The following FCRL6 variants were observed in gnomAD, a reference collection of about 807,000 sequenced individuals.
FCRL6 encodes the protein Fc receptor-like protein 6.
Under a neutral mutation model 49.1 loss-of-function variants are expected in FCRL6, and 50 were observed. That is an observed-to-expected ratio of 1.02 (90% CI 0.81 to 1.29). FCRL6 has a LOEUF of 1.29. FCRL6 is among the 50% of genes most tolerant of loss of function. The pLI is 0.00. For synonymous variants in FCRL6, 213 were observed against 199.6 expected (o/e 1.07, Z -0.57); for missense variants, 571 against 518.5 (o/e 1.10, Z -0.98).
At chr1:159,813,396 G>A in intron 6 of FCRL6, 93 bp from the exon 7 acceptor site, 1 of 1,097,666 alleles carries the variant, frequency 9.1e-7, no homozygotes, top group Non-Finnish European at 1.4e-6. Flanking sequence ...ACCTCCAGCG[G>A]CCTCCTTGTC....
intron 3 of FCRL6, chr1:159,808,691 C>A (rs746839904): frequency 1.3e-5 from 8 of 613,128 alleles, no homozygotes; most frequent in Non-Finnish European, 2.3e-5. Flanking sequence ...AGACCCTGGA[C>A]CAGTCCAGGC....
At chr1:159,814,077 A>G in intron 7 of FCRL6, 144 bp from the exon 8 acceptor site, 2 of 719,868 alleles carry the variant, frequency 2.8e-6, no homozygotes, top group Non-Finnish European at 4.7e-6. Context: ...CATGATGGCT[A>G]TCCCCACATT....
upstream of FCRL6, among the ~76,000 whole-genome samples, chr1:159,800,950 T>G (rs1005694456): frequency 6.6e-6 from 1 of 152,068 alleles, no homozygotes; most frequent in African/African-American, 2.4e-5. Flanking sequence ...CACTTGAACC[T>G]GGGAGGCGGA....
At chr1:159,813,690 T>C (rs1002034885) in intron 7 of FCRL6, 136 bp downstream of exon 7, 30 of 744,040 alleles carry the variant, frequency 4.0e-5, no homozygotes, top group Non-Finnish European at 5.9e-5. Context: ...AAACAGCTTC[T>C]AGAAAGGGCA....
intron 6 of FCRL6, among the ~76,000 whole-genome samples, chr1:159,811,269 C>T (rs1156883579): frequency 6.6e-6 from 1 of 152,202 alleles, no homozygotes; most frequent in Non-Finnish European, 1.5e-5. Context: ...GCTACCAGTG[C>T]CAAAGCTATG....
At chr1:159,811,234 T>C (rs1287020867) in intron 6 of FCRL6, among the ~76,000 whole-genome samples, 2 of 152,228 alleles carry the variant, frequency 1.3e-5, no homozygotes, top group Non-Finnish European at 2.9e-5. Context: ...TTTGCTCGCC[T>C]CAGGCCACAC....
intron 1 of FCRL6, among the ~76,000 whole-genome samples, chr1:159,803,013 C>G (rs549687235): frequency 3.9e-4 from 60 of 152,208 alleles, no homozygotes; most frequent in Non-Finnish European, 6.6e-4. Flanking sequence ...TCTGAGTAAC[C>G]AAAGCCCTTT....
At chr1:159,807,880 G>T (rs1662800225) in intron 2 of FCRL6, among the ~76,000 whole-genome samples, 1 of 151,872 alleles carries the variant, frequency 6.6e-6, no homozygotes, top group East Asian at 1.9e-4. Context: ...GACAAGGAGG[G>T]TGGGTGGGAG....
rs1489914054 is a variant in FCRL6, at chr1:159,810,069, G to A, written c.887-25G>A. Reference sequence around the variant, plus strand: ...CCGAATTTTATCTTCAGTGCTCATGGCCACCTTCTTCTCCCTGCTCCCAGG... The same window carrying A: ...CCGAATTTTATCTTCAGTGCTCATGACCACCTTCTTCTCCCTGCTCCCAGG... On this transcript the variant is annotated intron_variant, in intron 5 of 9. Transcript: ENST00000368106. 5.0e-6 allele frequency: 8 copies of A among 1,604,140 alleles called. No homozygotes were observed. In the South Asian group the frequency reaches 6.7e-5, roughly 13 times the overall value.
chr1:159,802,112 G>A (rs539702970), upstream of FCRL6, among the ~76,000 whole-genome samples: 24 of 152,250 alleles, frequency 1.6e-4, no homozygotes, highest in East Asian at 4.6e-3. Context: ...CCATAACCAT[G>A]TTCCATCCTA....
chr1:159,809,766 G>T, intron 5 of FCRL6, 83 bp downstream of exon 5: 1 of 1,230,338 alleles, frequency 8.1e-7, no homozygotes, highest in South Asian at 1.3e-5. Context: ...CTCCCATCAC[G>T]ACTGGCACAG....
chr1:159,804,828 G>T (rs1320057239), intron 1 of FCRL6, among the ~76,000 whole-genome samples: 1 of 152,226 alleles, frequency 6.6e-6, no homozygotes, highest in African/African-American at 2.4e-5. Context: ...TTCCAGTGAG[G>T]TGGGGAAGGG....
Position 159,809,237 on chromosome 1 carries a change from G to A in FCRL6, c.596G>A (p.Arg199Lys), listed in dbSNP as rs748726982. 2 of 1,567,884 alleles carry A rather than the reference G, an allele frequency of 1.3e-6. No homozygotes were observed. Among genetic ancestry groups the A allele is most frequent in the South Asian group, 2.4e-5 (2 of 82,376 alleles). Residue 199 changes from arginine (R) to lysine (K), a missense_variant, in exon 4 of 10, where the codon AGA becomes AAA. Physicochemically the swap from Arg to Lys is conservative, Grantham distance 26. Coordinates refer to ENST00000368106, the MANE Select transcript of FCRL6 (RefSeq NM_001004310.3). ...VQKQSPQLEVRVQAPVSRPVL... is the reference protein window; with the variant it reads ...VQKQSPQLEVKVQAPVSRPVL... Reference sequence around the variant, plus strand: ...AAGCAGAGCCCCCAGCTGGAGGTCAGAGTGCAGGGTAAGTGCGCGAGAGAG... The same window carrying A: ...AAGCAGAGCCCCCAGCTGGAGGTCAAAGTGCAGGGTAAGTGCGCGAGAGAG...
chr1:159,813,088 TGCTG>T (rs1416222813), intron 6 of FCRL6, among the ~76,000 whole-genome samples: 1 of 152,224 alleles, frequency 6.6e-6, no homozygotes, highest in African/African-American at 2.4e-5. Flanking sequence ...TCCAACTATG[TGCTG>T]GTCACTGGTT....
In FCRL6 at chr1:159,809,127, C is replaced by T. The variant is rs1401803523; in HGVS notation, c.486C>T (p.His162=). The T allele has an allele frequency of 6.2e-7, 1 of 1,613,962 alleles. No individual in the cohort carries two copies. Among genetic ancestry groups the T allele is most frequent in the African/African-American group, 1.3e-5 (1 of 74,928 alleles). Residue 162 remains histidine, a synonymous_variant, in exon 4 of 10, where the codon CAC becomes CAT. Transcript: ENST00000368106. ...DGHTLQDRGP[H]PELCIPGAKE... The stretch of plus-strand genomic sequence containing the variant: ...ACACCTTGCAGGACAGGGGCCCTCA[C>T]CCAGAACTCTGCATCCCGGGAGCCA...
chr1:159,815,926 A>G lies in FCRL6; in HGVS notation c.*265A>G, dbSNP rs1663378276. ...GTGACACTGGACACATAAGCCACAG[A>G]TGTCTTCTTTCCATACAAGCATGTT... On this transcript the variant is annotated 3_prime_UTR_variant, in exon 10 of 10. Coordinates refer to ENST00000368106, the MANE Select transcript of FCRL6 (RefSeq NM_001004310.3). 1 of 424,234 alleles carries G rather than the reference A, an allele frequency of 2.4e-6. No homozygotes were observed. The highest frequency in any genetic ancestry group is 4.4e-6 in the Non-Finnish European group (1 of 227,536). 26.3% of individuals were successfully genotyped at this position (424,234 alleles called of 1,614,324 possible). A position where few individuals can be genotyped will look rare whatever the true frequency, so the allele number is the denominator to read the frequency against.
upstream of FCRL6, chr1:159,800,600 G>A: frequency 6.5e-7 from 1 of 1,550,282 alleles, no homozygotes; most frequent in Non-Finnish European, 8.7e-7. Flanking sequence ...ATATATGAAT[G>A]TTGCCATCTT....
Position 159,804,687 on chromosome 1 carries a change from G to A in FCRL6, c.32-1909G>A, listed in dbSNP as rs569041405. Among the ~76,000 whole-genome samples, 4 of 152,358 alleles carry A rather than the reference G, an allele frequency of 2.6e-5. No individual in the cohort carries two copies. The East Asian group carries it at 7.7e-4, about 29-fold the overall frequency. On this transcript the variant is annotated intron_variant, in intron 1 of 9. Transcript: ENST00000368106. ...CCAAGATCTTGCAGTACCATGGGGAGCAAGTCATTGAGATTTGGGGACAGG... is the reference window on the plus strand; with the variant it reads ...CCAAGATCTTGCAGTACCATGGGGAACAAGTCATTGAGATTTGGGGACAGG...
chr1:159,802,097 G>A (rs143101115), upstream of FCRL6, among the ~76,000 whole-genome samples: 302 of 152,262 alleles, frequency 2.0e-3, no homozygotes, highest in Non-Finnish European at 2.2e-3. Context: ...TCTAATGGAG[G>A]TGTCCCATAA....
Sources: gnomAD v4.1 joint callset for allele counts (sites outside exome capture counted in the v4.1 genomes callset) on GRCh38, gnomAD v4.1.1 for gene constraint, MANE v1.5 for transcripts, NCBI Gene and HGNC (gene_info 2026-07-23, HGNC 2026-07-21) for gene names.